The following ASAP2 variants were observed in gnomAD, a reference collection of about 807,000 sequenced individuals.
ASAP2 encodes the protein ArfGAP with SH3 domain, ankyrin repeat and PH domain 2.
ASAP2 carries 45 observed loss-of-function variants against 131.4 expected under a neutral mutation model. The observed-to-expected ratio is 0.34, with a 90% CI of 0.27 to 0.44. The LOEUF is 0.44. ASAP2 is among the 20% of genes least tolerant of loss of function. The pLI, the probability that ASAP2 is intolerant of heterozygous loss-of-function variation, is 1.00. For missense variants in ASAP2, 1,011 were observed against 1,297.0 expected (o/e 0.78, Z 3.39); for synonymous variants, 510 against 503.0 (o/e 1.01, Z -0.19).
intron 1 of ASAP2, among the ~76,000 whole-genome samples, chr2:9,219,547 A>T (rs1411847871): frequency 6.6e-6 from 1 of 151,842 alleles, no homozygotes. Flanking sequence ...AAAATCAGCC[A>T]GGAATGGCTA....
intron 1 of ASAP2, 149 bp from the exon 2 acceptor site, chr2:9,279,168 C>T: frequency 2.9e-6 from 2 of 684,932 alleles, no homozygotes; most frequent in Non-Finnish European, 5.2e-6. Context: ...GAAACAGGTG[C>T]CGAGGGACCT....
intron 2 of ASAP2, among the ~76,000 whole-genome samples, chr2:9,286,445 A>ATAT (rs199918521): frequency 9.1e-5 from 9 of 98,630 alleles, no homozygotes; most frequent in South Asian, 2.8e-4. Flanking sequence ...AGGAAAAAAA[A>ATAT]AAATATATAT....
intron 18 of ASAP2, among the ~76,000 whole-genome samples, chr2:9,378,469 G>A (rs796250637): frequency 1.3e-5 from 2 of 152,248 alleles, no homozygotes; most frequent in African/African-American, 2.4e-5. Flanking sequence ...CTTTCCTGGA[G>A]GGAATATCAA....
intron 17 of ASAP2, 62 bp from the exon 18 acceptor site, chr2:9,376,846 T>C (rs767999608): frequency 7.7e-6 from 11 of 1,420,932 alleles, no homozygotes; most frequent in Non-Finnish European, 1.1e-5. Flanking sequence ...ATTTCACCGG[T>C]GTTGGACACA....
chr2:9,219,641 C>A (rs1430542666), intron 1 of ASAP2, among the ~76,000 whole-genome samples: 2 of 152,138 alleles, frequency 1.3e-5, no homozygotes, highest in Non-Finnish European at 2.9e-5. Context: ...CTTTCTATAG[C>A]ATCCTGAGAA....
At chr2:9,313,578 G>A (rs1669455295) in intron 3 of ASAP2, among the ~76,000 whole-genome samples, 1 of 152,230 alleles carries the variant, frequency 6.6e-6, no homozygotes, top group Admixed American at 6.5e-5. Flanking sequence ...CTGCCGGACA[G>A]CGACTCTAAT....
At chr2:9,214,963 A>G (rs572332857) in intron 1 of ASAP2, among the ~76,000 whole-genome samples, 9 of 152,324 alleles carry the variant, frequency 5.9e-5, no homozygotes, top group African/African-American at 2.2e-4. Flanking sequence ...GAACAAAATA[A>G]GATTCCGAAG....
chr2:9,263,340 A>C (rs746056070), intron 1 of ASAP2, among the ~76,000 whole-genome samples: 7 of 152,048 alleles, frequency 4.6e-5, no homozygotes, highest in Non-Finnish European at 7.4e-5. Flanking sequence ...GCTCTCCCCA[A>C]AGCAGGGCAC....
At chr2:9,292,104 A>C (rs1312164137) in intron 2 of ASAP2, among the ~76,000 whole-genome samples, 1 of 152,106 alleles carries the variant, frequency 6.6e-6, no homozygotes, top group African/African-American at 2.4e-5. Flanking sequence ...TTCCATGTTT[A>C]GACTAGGTCA....
At chr2:9,315,252 G>T (rs1669576924) in intron 3 of ASAP2, among the ~76,000 whole-genome samples, 2 of 152,208 alleles carry the variant, frequency 1.3e-5, no homozygotes, top group African/African-American at 4.8e-5. Flanking sequence ...GCCTGCCATA[G>T]CCCTGAAGCG....
chr2:9,279,204 A>G, intron 1 of ASAP2, 113 bp from the exon 2 acceptor site: 12 of 958,794 alleles, frequency 1.3e-5, no homozygotes, highest in Non-Finnish European at 2.0e-5. Flanking sequence ...TCTCCCAGAA[A>G]CAGGTGCCTA....
intron 17 of ASAP2, 118 bp downstream of exon 17, chr2:9,375,062 G>GAGTTTGAGATCAGC (rs1674289702): frequency 1.2e-6 from 1 of 816,142 alleles, no homozygotes; most frequent in Non-Finnish European, 1.8e-6. Flanking sequence ...TTGAGCTCAG[G>GAGTTTGAGATCAGC]AGTTTGAGAT....
chr2:9,252,797 T>C (rs1327753811), intron 1 of ASAP2, among the ~76,000 whole-genome samples: 5 of 144,020 alleles, frequency 3.5e-5, no homozygotes, highest in Non-Finnish European at 7.6e-5. Flanking sequence ...GCGCCTGTAA[T>C]CCCAGCTACT....
chr2:9,208,968 A>C (rs1200327385), intron 1 of ASAP2, among the ~76,000 whole-genome samples: 2 of 151,730 alleles, frequency 1.3e-5, no homozygotes, highest in Non-Finnish European at 2.9e-5. Context: ...TTGGAAAGCC[A>C]AGCAAACAAG....
chr2:9,317,830 C>T (rs1669893291), intron 3 of ASAP2, among the ~76,000 whole-genome samples: 1 of 151,772 alleles, frequency 6.6e-6, no homozygotes, highest in South Asian at 2.1e-4. Context: ...ACCCTTAGTC[C>T]CTTAACATGC....
rs1675790351 is a variant in ASAP2 at position 9,392,279 on chromosome 2, G to T, written c.2518+1083G>T. ...ACAGAACTAAAGTCTTTTTTCACTG[G>T]ATCAGAGAAGCGAGCCCTGGATGCT... On this transcript the variant is annotated intron_variant, in intron 23 of 27. Coordinates refer to ENST00000281419, the MANE Select transcript of ASAP2 (RefSeq NM_003887.3). This position sits in a 1 kb window ranked among gnomAD's most constrained non-coding sequence, Gnocchi z 4.0. Among the ~76,000 whole-genome samples, 1 of 152,168 alleles carries T rather than the reference G, an allele frequency of 6.6e-6. No individual in the cohort carries two copies. The highest frequency in any genetic ancestry group is 1.5e-5 in the Non-Finnish European group (1 of 68,028).
intron 1 of ASAP2, among the ~76,000 whole-genome samples, chr2:9,231,531 G>A (rs1401329100): frequency 6.6e-6 from 1 of 152,212 alleles, no homozygotes; most frequent in Non-Finnish European, 1.5e-5. Flanking sequence ...CCTCCCGGAG[G>A]CCAGCTCTGT....
At chr2:9,219,938 T>C (rs1247772424) in intron 1 of ASAP2, among the ~76,000 whole-genome samples, 1 of 152,240 alleles carries the variant, frequency 6.6e-6, no homozygotes, top group East Asian at 1.9e-4. Context: ...TCTGGTTGTT[T>C]CATATATGGA....
Position 9,388,302 on chromosome 2 carries a change from C to G in ASAP2, c.2139C>G (p.Pro713=). The change falls in exon 22 of 28, where the codon CCC becomes CCG. Residue 713 remains proline, a synonymous_variant. Transcript: ENST00000281419. ...DDMDEKLQPS[P]NRREDRPISF... ...CCAATGTTCTCCTGCAGCCCAGTCC[C>G]AACCGGCGGGAAGACCGGCCCATCA... 1 of 1,613,998 alleles carries G rather than the reference C, an allele frequency of 6.2e-7. No individual in the cohort carries two copies. Among genetic ancestry groups the G allele is most frequent in the Non-Finnish European group, 8.5e-7 (1 of 1,180,026 alleles).
Sources: allele counts gnomAD v4.1 joint callset (sites outside exome capture counted in the v4.1 genomes callset), GRCh38; gene constraint gnomAD v4.1.1; non-coding constraint Gnocchi (gnomAD v3.1); transcripts MANE v1.5; gene names NCBI Gene and HGNC (gene_info 2026-07-23, HGNC 2026-07-21).